NBPF9: variants seen among roughly 807,000 people sequenced by gnomAD.
NBPF9 encodes NBPF member 9, also known as NBPF family member NBPF9.
NBPF9 carries 91 observed loss-of-function variants against 97.8 expected under a neutral mutation model. The observed-to-expected ratio is 0.93, with a 90% CI of 0.79 to 1.11. The LOEUF is 1.11. NBPF9 is among the 50% of genes least tolerant of loss of function. NBPF9 has a pLI of 0.00. For synonymous variants in NBPF9, 334 were observed against 359.5 expected, an observed-to-expected ratio of 0.93 and a Z score of 0.80; for missense variants, 992 against 939.5, an observed-to-expected ratio of 1.06 and a Z score of -0.73.
Position 149,062,267 on chromosome 1 carries a change from T to A in NBPF9, c.2079-2A>T, listed in dbSNP as rs587692375. 2.9e-6 allele frequency: 2 copies of A among 700,664 alleles called. No individual in the cohort carries two copies. Among genetic ancestry groups the A allele is most frequent in the South Asian group, 3.2e-5 (2 of 63,050 alleles). The allele number at this position is 700,664 out of a possible 1,614,324, so 43.4% of individuals were successfully genotyped here. On this transcript the variant is annotated splice_acceptor_variant, in intron 21 of 29. Transcript: ENST00000584027. LOFTEE classifies it high-confidence loss of function. Reference sequence around the variant, plus strand: ...TCATCCAGCAGCTCCCTGCTGAGCCTGGAAAAGTAGGAAAAAGTAAAGAAT... The same window carrying A: ...TCATCCAGCAGCTCCCTGCTGAGCCAGGAAAAGTAGGAAAAAGTAAAGAAT...
exon 30 of NBPF9, chr1:149,054,694 AC>A (rs2078096158): frequency 1.3e-5 from 2 of 149,128 alleles, no homozygotes; most frequent in South Asian, 4.3e-4. Flanking sequence ...CATGACAACA[AC>A]AAAAAGATGA....
chr1:149,080,339 T>G (rs2080316446), intron 7 of NBPF9, among the ~76,000 whole-genome samples, 184 bp from the exon 8 acceptor site: 1 of 150,422 alleles, frequency 6.6e-6, no homozygotes, highest in African/African-American at 2.5e-5. Flanking sequence ...TCCTCCAAAA[T>G]TTAAAGACGA....
chr1:149,055,479 T>C (rs1553648514), exon 30 of NBPF9: 8 of 1,373,146 alleles, frequency 5.8e-6, no homozygotes, highest in South Asian at 1.4e-5. Flanking sequence ...CGTGGGTCCA[T>C]TGTCTTCAGA....
rs781925667 is a variant in NBPF9 at position 149,081,939 on chromosome 1, C to T, written c.175+26G>A. 16 of 1,502,076 alleles carry T rather than the reference C, an allele frequency of 1.1e-5. No homozygotes were observed. The African/African-American group carries it at 1.1e-4, about 11-fold the overall frequency. The allele number at this position is 1,502,076 out of a possible 1,614,324, so 93.0% of individuals were successfully genotyped here. A position where few individuals can be genotyped will look rare whatever the true frequency, so the allele number is the denominator to read the frequency against. On this transcript the variant is annotated intron_variant, in intron 7 of 29. Coordinates refer to ENST00000584027, the Ensembl canonical transcript of NBPF9. ...AAGACAGGACATCATTCATCACTTT[C>T]ATGACGGTGAGCCTATAGATCTTAC...
intron 14 of NBPF9, among the ~76,000 whole-genome samples, 189 bp from the exon 15 acceptor site, chr1:149,071,865 T>A (rs1463474833): frequency 6.6e-6 from 1 of 151,602 alleles, no homozygotes; most frequent in Non-Finnish European, 1.5e-5. Context: ...ATTTCTGATC[T>A]GGAGGGCCAC....
intron 7 of NBPF9, among the ~76,000 whole-genome samples, chr1:149,080,970 G>C (rs1292668365): frequency 5.9e-5 from 9 of 151,540 alleles, no homozygotes; most frequent in Admixed American, 2.0e-4. Flanking sequence ...GACAGGCTGA[G>C]GGTCCCTGCT....
rs1441266436 is a variant in NBPF9 at position 149,058,924 on chromosome 1, C to T, written c.2758+1G>A. 1.4e-5 allele frequency: 7 copies of T among 511,146 alleles called. 1 individual carries two copies. Among genetic ancestry groups the T allele is most frequent in the South Asian group, 7.8e-5 (4 of 51,346 alleles). 31.7% of individuals were successfully genotyped at this position (511,146 alleles called of 1,614,324 possible). A position where few individuals can be genotyped will look rare whatever the true frequency, so the allele number is the denominator to read the frequency against. ...TATCACCTTCATAGTAAGGTACTCA[C>T]TGTCCACGTCAAGAGCCAAGCCAAG... On this transcript the variant is annotated splice_donor_variant, in intron 26 of 29. Transcript: ENST00000584027. LOFTEE classifies it high-confidence loss of function.
chr1:149,080,621 T>C (rs1181479882), intron 7 of NBPF9, among the ~76,000 whole-genome samples: 1 of 151,268 alleles, frequency 6.6e-6, no homozygotes, highest in Non-Finnish European at 1.5e-5. Flanking sequence ...AATATTTCAT[T>C]TTTAGATCAA....
chr1:149,097,201 G>A (rs1292927053), intron 4 of NBPF9, among the ~76,000 whole-genome samples: 1 of 150,956 alleles, frequency 6.6e-6, no homozygotes, highest in African/African-American at 2.4e-5. Context: ...AAGGAAGGAA[G>A]GAAGGAAATG....
chr1:149,101,474 G>A, intron 2 of NBPF9, 95 bp from the exon 3 acceptor site: 1 of 152,130 alleles, frequency 6.6e-6, no homozygotes, highest in Middle Eastern at 3.4e-3. Flanking sequence ...TTGAAAAAAG[G>A]GAAATGCAAT....
chr1:149,082,781 A>C (rs587711602), intron 5 of NBPF9, among the ~76,000 whole-genome samples: 8 of 145,480 alleles, frequency 5.5e-5, no homozygotes, highest in Admixed American at 1.4e-4. Context: ...TCTTGTTTTG[A>C]CTTTTTTTTT....
At chr1:149,065,672 T>C (rs1553651558) in exon 18 of NBPF9, 11 of 1,601,740 alleles carry the variant, frequency 6.9e-6, no homozygotes, top group Non-Finnish European at 9.3e-6. Context: ...TTCCTCCTCT[T>C]CAGACTCCTG....
chr1:149,070,961 G>A (rs1418431567), exon 16 of NBPF9: 25 of 1,612,496 alleles, frequency 1.6e-5, no homozygotes, highest in East Asian at 8.9e-5. Flanking sequence ...GCATCTTCCC[G>A]TTCAACATGA....
At chr1:149,078,668 A>T (rs1553655407) in intron 9 of NBPF9, among the ~76,000 whole-genome samples, 8 of 136,814 alleles carry the variant, frequency 5.8e-5, no homozygotes, top group South Asian at 5.3e-4. Context: ...TGCCAAAAAG[A>T]CAGCCTGGGA....
chr1:149,061,089 C>T, intron 23 of NBPF9: 3 of 420,238 alleles, frequency 7.1e-6, no homozygotes, highest in East Asian at 6.0e-5. Flanking sequence ...AATTTCCATG[C>T]AGTCGCCATG....
At chr1:149,071,882 C>G (rs1318281587) in intron 14 of NBPF9, among the ~76,000 whole-genome samples, 57 of 151,778 alleles carry the variant, frequency 3.8e-4, no homozygotes, top group East Asian at 1.6e-3. Context: ...CCACCATCAA[C>G]ATGTGGCCAA....
At chr1:149,100,097 C>T (rs1253762940) in intron 3 of NBPF9, among the ~76,000 whole-genome samples, 3 of 140,516 alleles carry the variant, frequency 2.1e-5, no homozygotes, top group African/African-American at 7.9e-5. Flanking sequence ...AGGTACGATC[C>T]ATAAAGTTTT....
intron 14 of NBPF9, among the ~76,000 whole-genome samples, chr1:149,071,877 A>G (rs1575837648): frequency 6.6e-6 from 1 of 151,766 alleles, no homozygotes; most frequent in African/African-American, 2.4e-5. Context: ...GAGGGCCACC[A>G]TCAACATGTG....
intron 7 of NBPF9, among the ~76,000 whole-genome samples, chr1:149,081,200 A>G (rs1240584038): frequency 2.6e-4 from 39 of 152,032 alleles, no homozygotes; most frequent in African/African-American, 8.4e-4. Flanking sequence ...GCTCACTGCA[A>G]CATCTGCCTG....
Sources: allele counts gnomAD v4.1 joint callset (sites outside exome capture counted in the v4.1 genomes callset), GRCh38; gene constraint gnomAD v4.1.1; transcripts MANE v1.5; gene names NCBI Gene and HGNC (gene_info 2026-07-23, HGNC 2026-07-21).